The following PLG variants were observed in gnomAD, a reference collection of about 807,000 sequenced individuals.
The protein encoded by PLG is plasminogen.
In PLG, 41 loss-of-function variants were observed where a neutral mutation model predicts 104.4. The observed-to-expected ratio is 0.39, with a 90% CI of 0.31 to 0.51. PLG has a LOEUF of 0.51. Among genes scored for constraint, PLG ranks in the 20% least tolerant of loss-of-function variants. The probability of loss-of-function intolerance (pLI) is 0.76; values close to 1 mark genes in which losing one functional copy is unlikely to be tolerated. For missense variants in PLG, 891 were observed against 1,003.6 expected (o/e 0.89, Z 1.52); for synonymous variants, 337 against 357.1 (o/e 0.94, Z 0.63).
At chr6:160,717,222 G>A (rs917554321) in intron 7 of PLG, among the ~76,000 whole-genome samples, 1 of 152,134 alleles carries the variant, frequency 6.6e-6, no homozygotes, top group Admixed American at 6.5e-5. Context: ...TGGGGGTGGG[G>A]AAGAGTTCAA....
Position 160,732,931 on chromosome 6 carries a change from T to C in PLG, c.1587+1038T>C, listed in dbSNP as rs748116798. ...GCACAGTTGAATACATCGTTGGCCA[T>C]TGGAGACCAGCTCACCTTCAGCTCC... On this transcript the variant is annotated intron_variant, in intron 12 of 18. Transcript: ENST00000308192. The surrounding 1 kb of genome is among the most constrained non-coding windows in gnomAD (Gnocchi z 4.5). Among the ~76,000 whole-genome samples, 5 of 152,078 alleles carry C rather than the reference T, an allele frequency of 3.3e-5. No individual in the cohort carries two copies. Among genetic ancestry groups the C allele is most frequent in the Non-Finnish European group, 5.9e-5 (4 of 68,004 alleles).
In PLG at chr6:160,735,395, G is replaced by T. The variant is rs1257446927; in HGVS notation, c.1681+1307G>T. 6.6e-6 allele frequency among the ~76,000 whole-genome samples: 1 copy of T among 152,200 alleles called. No homozygotes were observed. The highest frequency in any genetic ancestry group is 1.5e-5 in the Non-Finnish European group (1 of 68,044). Reference sequence around the variant, plus strand: ...GAAGGGAAGTGCAGTAGTTTCCCAGGTGCAATTCTGGTGTCCTCACCCACA... The same window carrying T: ...GAAGGGAAGTGCAGTAGTTTCCCAGTTGCAATTCTGGTGTCCTCACCCACA... On this transcript the variant is annotated intron_variant, in intron 13 of 18. Coordinates refer to ENST00000308192, the MANE Select transcript of PLG (RefSeq NM_000301.5). The surrounding 1 kb of genome is among the most constrained non-coding windows in gnomAD (Gnocchi z 5.4).
chr6:160,714,503 T>C (rs928337617), intron 5 of PLG, among the ~76,000 whole-genome samples: 5 of 152,226 alleles, frequency 3.3e-5, no homozygotes, highest in Non-Finnish European at 5.9e-5. Flanking sequence ...CATCCCGGTC[T>C]AAGGACATGG....
At chr6:160,750,743 G>T (rs1199590653) in intron 17 of PLG, among the ~76,000 whole-genome samples, 1 of 152,208 alleles carries the variant, frequency 6.6e-6, no homozygotes, top group Non-Finnish European at 1.5e-5. Context: ...TGGGGAAAGA[G>T]AGAGTGCCTC....
At position 160,752,281 on chromosome 6, in the gene PLG, C is replaced by G. The variant is rs745343292; in HGVS notation, c.2271+21C>G. 1.2e-6 allele frequency: 2 copies of G among 1,609,008 alleles called. No individual in the cohort carries two copies. Among genetic ancestry groups the G allele is most frequent in the Non-Finnish European group, 1.7e-6 (2 of 1,175,416 alleles). Reference sequence around the variant, plus strand: ...GCCAGGTAAGCAAAGATCAAGAGACCAAAGTTAGTCTTGTGCTCTCTTGTC... The same window carrying G: ...GCCAGGTAAGCAAAGATCAAGAGACGAAAGTTAGTCTTGTGCTCTCTTGTC... On this transcript the variant is annotated intron_variant, in intron 18 of 18. Coordinates refer to ENST00000308192, the MANE Select transcript of PLG (RefSeq NM_000301.5). This position sits in a 1 kb window ranked among gnomAD's most constrained non-coding sequence, Gnocchi z 4.7.
At chr6:160,707,944 C>A in intron 3 of PLG, 138 bp downstream of exon 3, 3 of 766,518 alleles carry the variant, frequency 3.9e-6, no homozygotes, top group Non-Finnish European at 4.6e-6. Context: ...TGAGTTAGGA[C>A]AGGATTTGAT....
chr6:160,705,289 G>A lies in PLG; in HGVS notation c.50-1118G>A, dbSNP rs1367215. The A allele has an allele frequency of 9.8e-4, 147 of 149,580 alleles. 1 individual carries two copies. The highest frequency in any genetic ancestry group is 2.3e-3 in the African/African-American group (92 of 40,230). 9.3% of individuals were successfully genotyped at this position (149,580 alleles called of 1,614,324 possible). On this transcript the variant is annotated intron_variant, in intron 1 of 18. Coordinates refer to ENST00000308192, the MANE Select transcript of PLG (RefSeq NM_000301.5). ...GTCTGGAAGAGCCTCAGGACAAGGG[G>A]ACACCCTGTAGCCTTGTGGTGGGAG...
intron 1 of PLG, 103 bp downstream of exon 1, chr6:160,702,456 T>C: frequency 7.4e-7 from 1 of 1,346,354 alleles, no homozygotes; most frequent in Non-Finnish European, 1.0e-6. Context: ...AATTTTTGAT[T>C]CATGAAACTT....
intron 10 of PLG, among the ~76,000 whole-genome samples, chr6:160,727,369 T>C (rs1777936094): frequency 1.3e-5 from 2 of 148,292 alleles, no homozygotes; most frequent in Non-Finnish European, 3.0e-5. Context: ...TTAGAAATGT[T>C]ATTATTTAAA....
chr6:160,715,051 C>A (rs1777707542), intron 6 of PLG, 137 bp downstream of exon 6: 1 of 850,666 alleles, frequency 1.2e-6, no homozygotes, highest in Non-Finnish European at 1.9e-6. Flanking sequence ...CTAACCTCCT[C>A]CCACAATATT....
At chr6:160,721,351 T>G (rs772548033) in intron 9 of PLG, among the ~76,000 whole-genome samples, 6 of 152,228 alleles carry the variant, frequency 3.9e-5, no homozygotes, top group Non-Finnish European at 8.8e-5. Context: ...TTATTTATAC[T>G]TTGAAATGGA....
intron 10 of PLG, among the ~76,000 whole-genome samples, chr6:160,728,294 G>A (rs6938810): frequency 4.7e-4 from 2 of 4,298 alleles, no homozygotes; most frequent in Non-Finnish European, 8.0e-4. Flanking sequence ...GTTAAGGAAG[G>A]AATCAAAAGA....
rs139837651 is a variant in PLG at position 160,706,391 on chromosome 6, G to A, written c.50-16G>A. The A allele has an allele frequency of 1.5e-3, 2,394 of 1,612,034 alleles. 8 individuals carry two copies. The highest frequency in any genetic ancestry group is 1.0e-3 in the Non-Finnish European group (1,190 of 1,179,158). ...ATTTACTGACCATTTATTCCACTTG[G>A]ATCTCCCACCTCTAGGTCAAGGAGA... is the stretch of plus-strand genomic sequence containing the variant. On this transcript the variant is annotated splice_polypyrimidine_tract_variant and intron_variant, in intron 1 of 18. Transcript: ENST00000308192.
In PLG at chr6:160,711,509, T is replaced by C. The variant is rs1422803542; in HGVS notation, c.407+318T>C. ...GTTGAATTTGTGGATCTGGAACCCA[T>C]GGATACAGAGGGCCAACTGTATTTA... On this transcript the variant is annotated intron_variant, in intron 4 of 18. Transcript: ENST00000308192. 15 of 1,506,152 alleles carry C rather than the reference T, an allele frequency of 1.0e-5. No individual in the cohort carries two copies. The South Asian group carries it at 1.7e-4, about 18-fold the overall frequency. The allele number at this position is 1,506,152 out of a possible 1,614,324, so 93.3% of individuals were successfully genotyped here.
rs1778100920 is a variant in PLG, at chr6:160,737,336, C to A, written c.1802+329C>A. ...GGATTTCTATGGATATCCATTGTCTCATTGTCAGATGAAAAGAGGGGGAAG... is the reference window on the plus strand; with the variant it reads ...GGATTTCTATGGATATCCATTGTCTAATTGTCAGATGAAAAGAGGGGGAAG... On this transcript the variant is annotated intron_variant, in intron 14 of 18. Transcript: ENST00000308192. The surrounding 1 kb of genome is among the most constrained non-coding windows in gnomAD (Gnocchi z 4.7). 6.6e-6 allele frequency among the ~76,000 whole-genome samples: 1 copy of A among 152,114 alleles called. No homozygotes were observed. The highest frequency in any genetic ancestry group is 1.5e-5 in the Non-Finnish European group (1 of 68,026).
intron 17 of PLG, among the ~76,000 whole-genome samples, chr6:160,750,094 T>C (rs1034874133): frequency 2.0e-5 from 3 of 152,282 alleles, no homozygotes; most frequent in African/African-American, 2.4e-5. Flanking sequence ...AAGCAATGGG[T>C]GTTCTCTGCT....
In PLG at chr6:160,740,799, T is replaced by C. The variant is rs1047135497; in HGVS notation, c.2019-512T>C. On this transcript the variant is annotated intron_variant, in intron 16 of 18. Transcript: ENST00000308192. The surrounding 1 kb of genome is among the most constrained non-coding windows in gnomAD (Gnocchi z 5.2). ...TTATTTCCAATCCTCTTTCATTTGGTATCAAGTATTTTACTGGATTCTTAC... is the reference window on the plus strand; with the variant it reads ...TTATTTCCAATCCTCTTTCATTTGGCATCAAGTATTTTACTGGATTCTTAC... 5.3e-5 allele frequency among the ~76,000 whole-genome samples: 8 copies of C among 152,206 alleles called. No homozygotes were observed. Among genetic ancestry groups the C allele is most frequent in the African/African-American group, 1.9e-4 (8 of 41,450 alleles).
chr6:160,747,938 A>T (rs78754593), intron 17 of PLG, among the ~76,000 whole-genome samples: 1 of 152,186 alleles, frequency 6.6e-6, no homozygotes, highest in Non-Finnish European at 1.5e-5. Flanking sequence ...GGCTCAGAGA[A>T]TGTGTGGGAT....
At chr6:160,722,678 C>T in intron 10 of PLG, 111 bp downstream of exon 10, 5 of 925,434 alleles carry the variant, frequency 5.4e-6, no homozygotes, top group Non-Finnish European at 5.3e-6. Flanking sequence ...TTCTCTTAGA[C>T]CCAGAATGTG....
Sources: gnomAD v4.1 joint callset for allele counts (sites outside exome capture counted in the v4.1 genomes callset) on GRCh38, gnomAD v4.1.1 for gene constraint, Gnocchi (gnomAD v3.1) non-coding constraint, MANE v1.5 for transcripts, NCBI Gene and HGNC (gene_info 2026-07-23, HGNC 2026-07-21) for gene names.